AP2A1: variants seen among roughly 807,000 people sequenced by gnomAD.
AP2A1 encodes adaptor related protein complex 2 subunit alpha 1, also known as AP-2 complex subunit alpha-1.
Under a neutral mutation model 107.3 loss-of-function variants are expected in AP2A1, and 21 were observed. That is an observed-to-expected ratio of 0.20 (90% CI 0.14 to 0.28). The LOEUF is 0.28. Ranked by LOEUF, AP2A1 falls within the 10% of genes least tolerant of loss-of-function variation. The probability of loss-of-function intolerance (pLI) is 1.00; values close to 1 mark genes in which losing one functional copy is unlikely to be tolerated. For missense variants in AP2A1, 873 were observed against 1,307.7 expected, an observed-to-expected ratio of 0.67 and a Z score of 5.13; for synonymous variants, 602 against 564.8, an observed-to-expected ratio of 1.07 and a Z score of -0.93.
chr19:49,775,400 T>C (rs1446371772), intron 1 of AP2A1, among the ~76,000 whole-genome samples: 1 of 152,106 alleles, frequency 6.6e-6, no homozygotes, highest in Non-Finnish European at 1.5e-5. Context: ...CTGCAACCTC[T>C]ACCTCCCAGG....
At chr19:49,784,034 T>C (rs2084708528) in intron 4 of AP2A1, among the ~76,000 whole-genome samples, 2 of 152,160 alleles carry the variant, frequency 1.3e-5, no homozygotes, top group South Asian at 2.1e-4. Flanking sequence ...ACCACAAGCT[T>C]CAGTGATATC....
At chr19:49,797,793 C>T (rs187830926) in intron 7 of AP2A1, among the ~76,000 whole-genome samples, 56 of 152,102 alleles carry the variant, frequency 3.7e-4, no homozygotes, top group African/African-American at 1.2e-3. Context: ...CATATTCAAT[C>T]GGATTCTGCC....
intron 1 of AP2A1, among the ~76,000 whole-genome samples, chr19:49,772,682 A>G (rs969975441): frequency 1.3e-5 from 2 of 149,826 alleles, no homozygotes; most frequent in Non-Finnish European, 3.0e-5. Context: ...TTTTTTTTTT[A>G]GTAGAGATGG....
chr19:49,795,680 C>A lies in AP2A1; in HGVS notation c.756C>A (p.Val252=). 1 of 1,567,822 alleles carries A rather than the reference C, an allele frequency of 6.4e-7. No homozygotes were observed. Among genetic ancestry groups the A allele is most frequent in the African/African-American group, 1.4e-5 (1 of 73,484 alleles). ...TDLQDYTYYF[V]PAPWLSVKLL... is the part of the protein sequence containing the mutation. ...TCCAGGACTACACCTACTACTTCGT[C>A]CCAGCACCCTGGCTCTCGGTGAAGC... The change falls in exon 7 of 23, where the codon GTC becomes GTA. Residue 252 remains valine, a synonymous_variant. Coordinates refer to ENST00000354293, the MANE Select transcript of AP2A1 (RefSeq NM_130787.3).
intron 16 of AP2A1, 28 bp from the exon 17 acceptor site, chr19:49,803,079 C>T (rs764234554): frequency 1.3e-5 from 21 of 1,613,500 alleles, no homozygotes; most frequent in East Asian, 1.1e-4. Context: ...CAGGCACCCC[C>T]GTCATCTTGC....
rs767515085 is a variant in AP2A1 at position 49,800,196 on chromosome 19, GA to G, written c.1455+47del. On this transcript the variant is annotated intron_variant, in intron 11 of 22. Coordinates refer to ENST00000354293, the MANE Select transcript of AP2A1 (RefSeq NM_130787.3). ...CCCTATGACCCCACGACAGGACCTA[GA>G]GGCAGAGCAAGGATGGCCGGGGCCG... is the stretch of plus-strand genomic sequence containing the variant. The G allele has an allele frequency of 3.2e-6, 5 of 1,557,868 alleles. No homozygotes were observed. In the East Asian group the frequency reaches 9.4e-5, roughly 29 times the overall value.
intron 22 of AP2A1, 151 bp downstream of exon 22, chr19:49,806,404 T>A: frequency 1.4e-6 from 2 of 1,437,266 alleles, no homozygotes; most frequent in Non-Finnish European, 1.8e-6. Flanking sequence ...CCTCTTTATC[T>A]ATCAGTTTAA....
At chr19:49,777,075 G>A (rs765187935) in intron 1 of AP2A1, among the ~76,000 whole-genome samples, 19 of 131,406 alleles carry the variant, frequency 1.4e-4, no homozygotes, top group Admixed American at 3.1e-4. Flanking sequence ...CTAAAAATGC[G>A]GAAAAAAAAA....
chr19:49,771,179 A>G (rs2084552465), intron 1 of AP2A1, among the ~76,000 whole-genome samples: 1 of 151,790 alleles, frequency 6.6e-6, no homozygotes, highest in African/African-American at 2.4e-5. Flanking sequence ...GGGTTCATGA[A>G]AAAGCCTACA....
At chr19:49,790,164 A>G (rs906407113) in intron 4 of AP2A1, among the ~76,000 whole-genome samples, 2 of 152,188 alleles carry the variant, frequency 1.3e-5, no homozygotes, top group Non-Finnish European at 2.9e-5. Flanking sequence ...CGGGGGCCCT[A>G]GAGGAGAGGC....
rs566454634 is a variant in AP2A1 at position 49,785,805 on chromosome 19, T to C, written c.473+3081T>C. ...GGTGGCGGGCACCTGTAATCCCAGC[T>C]ACTTGGGAGGCTTAGGCAGGAGAAT... is the stretch of plus-strand genomic sequence containing the variant. On this transcript the variant is annotated intron_variant, in intron 4 of 22. Coordinates refer to ENST00000354293, the MANE Select transcript of AP2A1 (RefSeq NM_130787.3). The surrounding 1 kb of genome is among the most constrained non-coding windows in gnomAD (Gnocchi z 4.1). 2.1e-3 allele frequency among the ~76,000 whole-genome samples: 316 copies of C among 152,026 alleles called. 1 individual carries two copies. Among genetic ancestry groups the C allele is most frequent in the Non-Finnish European group, 3.3e-3 (223 of 67,970 alleles).
rs1222718023 is a variant in AP2A1 at position 49,781,929 on chromosome 19, C to T, written c.137-18C>T. ...CTTCCTTATTTCTGGCTCCCCTTTCCTCCTTCCTCTGCCCTAGGAGACAAA... is the reference window on the plus strand; with the variant it reads ...CTTCCTTATTTCTGGCTCCCCTTTCTTCCTTCCTCTGCCCTAGGAGACAAA... On this transcript the variant is annotated intron_variant, in intron 2 of 22. Coordinates refer to ENST00000354293, the MANE Select transcript of AP2A1 (RefSeq NM_130787.3). The T allele has an allele frequency of 6.2e-7, 1 of 1,609,428 alleles. No homozygotes were observed. The highest frequency in any genetic ancestry group is 8.5e-7 in the Non-Finnish European group (1 of 1,177,914).
intron 1 of AP2A1, 93 bp from the exon 2 acceptor site, chr19:49,781,664 C>A: frequency 7.7e-7 from 1 of 1,297,992 alleles, no homozygotes; most frequent in Non-Finnish European, 1.1e-6. Context: ...GAAGATCTGC[C>A]CTTCCTGCTG....
intron 1 of AP2A1, among the ~76,000 whole-genome samples, chr19:49,778,190 T>C (rs1044047315): frequency 6.6e-6 from 1 of 152,212 alleles, no homozygotes; most frequent in African/African-American, 2.4e-5. Flanking sequence ...GTGGTTTTGT[T>C]GTGGTGTGAA....
At chr19:49,793,172 T>TC in intron 6 of AP2A1, 80 bp downstream of exon 6, 1 of 1,293,472 alleles carries the variant, frequency 7.7e-7, no homozygotes, top group South Asian at 1.3e-5. Flanking sequence ...GCCCCCACTC[T>TC]CCCTGAGAGG....
rs2084732649 is a variant in AP2A1 at position 49,785,997 on chromosome 19, A to G, written c.473+3273A>G. On this transcript the variant is annotated intron_variant, in intron 4 of 22. Coordinates refer to ENST00000354293, the MANE Select transcript of AP2A1 (RefSeq NM_130787.3). The surrounding 1 kb of genome is among the most constrained non-coding windows in gnomAD (Gnocchi z 4.1). The stretch of plus-strand genomic sequence containing the variant: ...CAGGAGGCTGAGGCAGGAGAATCGC[A>G]TAAACCCGGGGGGCAGAGGTTGCAG... Among the ~76,000 whole-genome samples the G allele has an allele frequency of 6.6e-6, 1 of 151,900 alleles. No individual in the cohort carries two copies. The highest frequency in any genetic ancestry group is 2.4e-5 in the African/African-American group (1 of 41,358).
Position 49,792,084 on chromosome 19 carries a change from AC to A in AP2A1, c.603+25del, listed in dbSNP as rs990781416. 4.3e-5 allele frequency: 68 copies of A among 1,596,872 alleles called. No individual in the cohort carries two copies. Among genetic ancestry groups the A allele is most frequent in the Admixed American group, 8.5e-5 (5 of 58,692 alleles). On this transcript the variant is annotated intron_variant, in intron 5 of 22. Coordinates refer to ENST00000354293, the MANE Select transcript of AP2A1 (RefSeq NM_130787.3). The stretch of plus-strand genomic sequence containing the variant: ...CACATGGTGAGCCCCCAGCCCTCAC[AC>A]CCCCGGATACCCAGGGCTCCCACCT...
At chr19:49,773,502 G>A (rs1337763757) in intron 1 of AP2A1, among the ~76,000 whole-genome samples, 1 of 152,202 alleles carries the variant, frequency 6.6e-6, no homozygotes, top group Non-Finnish European at 1.5e-5. Context: ...TTGAATGAAT[G>A]AATGAATGAT....
Position 49,767,028 on chromosome 19 carries a change from C to G in AP2A1, c.-106C>G, listed in dbSNP as rs560354393. The stretch of plus-strand genomic sequence containing the variant: ...CAGCCAGCCCTCCCCGCGGCCGGCT[C>G]GGCTCCTTGGCGCTGCCTGGGGTCC... On this transcript the variant is annotated 5_prime_UTR_variant, in exon 1 of 23. Transcript: ENST00000354293. The G allele has an allele frequency of 1.5e-3, 1,853 of 1,222,032 alleles. 21 individuals carry two copies. The African/African-American group carries it at 0.027, about 18-fold the overall frequency. 75.7% of individuals were successfully genotyped at this position (1,222,032 alleles called of 1,614,324 possible). A position where few individuals can be genotyped will look rare whatever the true frequency, so the allele number is the denominator to read the frequency against.
Sources: allele counts gnomAD v4.1 joint callset (sites outside exome capture counted in the v4.1 genomes callset), GRCh38; gene constraint gnomAD v4.1.1; non-coding constraint Gnocchi (gnomAD v3.1); transcripts MANE v1.5; gene names NCBI Gene and HGNC (gene_info 2026-07-23, HGNC 2026-07-21).